Variants in DOK6 observed in about 807,000 individuals in gnomAD.
DOK6 encodes docking protein 6, also known as downstream of tyrosine kinase 6.
DOK6 carries 22 observed loss-of-function variants against 44.0 expected under a neutral mutation model. The ratio of observed to expected loss-of-function variants is 0.50; its 90% CI spans 0.36 to 0.71. The LOEUF (loss-of-function observed/expected upper bound fraction) is 0.71, where lower values mean the gene tolerates loss of function less well. Among genes scored for constraint, DOK6 ranks in the 30% least tolerant of loss-of-function variants. The probability of loss-of-function intolerance (pLI) is 0.00; values close to 1 mark genes in which losing one functional copy is unlikely to be tolerated. For synonymous variants in DOK6, 166 were observed against 145.5 expected (o/e 1.14, Z -1.01); for missense variants, 340 against 416.4 (o/e 0.82, Z 1.60).
chr18:69,677,645 A>G (rs1668301791), intron 3 of DOK6, 89 bp from the exon 4 acceptor site: 1 of 1,596,792 alleles, frequency 6.3e-7, no homozygotes. Context: ...AACTCTTGCC[A>G]GTTACCTGGG....
rs1158468795 is a variant in DOK6 at position 69,548,897 on chromosome 18, T to C, written c.67-15590T>C. On this transcript the variant is annotated intron_variant, in intron 1 of 7. Coordinates refer to ENST00000382713, the MANE Select transcript of DOK6 (RefSeq NM_152721.6). Reference sequence around the variant, plus strand: ...TCACGAGGTCAGGAGATCAAGACCATCCTGGCTAACATGGTGAAACCCCGT... The same window carrying C: ...TCACGAGGTCAGGAGATCAAGACCACCCTGGCTAACATGGTGAAACCCCGT... Among the ~76,000 whole-genome samples the C allele has an allele frequency of 2.6e-4, 39 of 151,156 alleles. 2 individuals carry two copies. Among genetic ancestry groups the C allele is most frequent in the African/African-American group, 7.7e-4 (32 of 41,428 alleles).
intron 1 of DOK6, among the ~76,000 whole-genome samples, chr18:69,496,847 T>C (rs1293631519): frequency 2.0e-5 from 3 of 152,200 alleles, no homozygotes; most frequent in Admixed American, 2.0e-4. Flanking sequence ...CTTCCAGAAC[T>C]CATTCTGTGG....
intron 5 of DOK6, among the ~76,000 whole-genome samples, chr18:69,706,083 A>G (rs1311107211): frequency 6.6e-6 from 1 of 152,224 alleles, no homozygotes; most frequent in Admixed American, 6.5e-5. Flanking sequence ...TTTGTCACAC[A>G]TGCCTCATCC....
chr18:69,702,624 T>C (rs1247457050), intron 5 of DOK6, among the ~76,000 whole-genome samples: 2 of 152,194 alleles, frequency 1.3e-5, no homozygotes, highest in African/African-American at 4.8e-5. Flanking sequence ...TTCTGTTGAA[T>C]GAAGGAATTA....
chr18:69,670,667 G>A (rs1364045869), intron 3 of DOK6, among the ~76,000 whole-genome samples: 1 of 151,968 alleles, frequency 6.6e-6, no homozygotes, highest in African/African-American at 2.4e-5. Flanking sequence ...AAGCCACCAT[G>A]CCCAGCTAAT....
In DOK6 at chr18:69,476,431, A is replaced by T. The variant is rs1288141557; in HGVS notation, c.66+75121A>T. On this transcript the variant is annotated intron_variant, in intron 1 of 7. Transcript: ENST00000382713. ...TTTTGTTTTCTCAAGAGCGGAAGAG[A>T]AATCAGAGGGATTCTTGGAAGGCAC... Among the ~76,000 whole-genome samples the T allele has an allele frequency of 1.7e-3, 258 of 152,284 alleles. 2 individuals carry two copies. Among genetic ancestry groups the T allele is most frequent in the East Asian group, 0.013 (66 of 5,178 alleles).
chr18:69,425,239 A>G (rs1260493291), intron 1 of DOK6, among the ~76,000 whole-genome samples: 2 of 151,954 alleles, frequency 1.3e-5, no homozygotes, highest in African/African-American at 4.8e-5. Flanking sequence ...GCCCACTTCC[A>G]GTTTTTTTAT....
chr18:69,826,151 C>G (rs1182119791), intron 7 of DOK6, among the ~76,000 whole-genome samples: 1 of 152,146 alleles, frequency 6.6e-6, no homozygotes, highest in African/African-American at 2.4e-5. Context: ...AATGGGATGT[C>G]TGACACTGCT....
chr18:69,565,201 A>T (rs189045309), intron 2 of DOK6, among the ~76,000 whole-genome samples: 1 of 152,314 alleles, frequency 6.6e-6, no homozygotes, highest in East Asian at 1.9e-4. Context: ...AGGATTCATG[A>T]TCAAAACTCA....
chr18:69,727,217 C>CT (rs1396417891), intron 5 of DOK6, among the ~76,000 whole-genome samples: 3 of 152,244 alleles, frequency 2.0e-5, no homozygotes, highest in Non-Finnish European at 4.4e-5. Context: ...TCATGACCTA[C>CT]TTACCTCCCA....
intron 5 of DOK6, among the ~76,000 whole-genome samples, chr18:69,732,551 G>A (rs1978446384): frequency 6.6e-6 from 1 of 151,938 alleles, no homozygotes. Flanking sequence ...GAGTGTTCAG[G>A]GAGACTCAAC....
intron 1 of DOK6, among the ~76,000 whole-genome samples, chr18:69,482,763 A>G (rs1378091022): frequency 1.3e-5 from 2 of 151,966 alleles, no homozygotes; most frequent in East Asian, 3.8e-4. Flanking sequence ...CTATAAAATA[A>G]GAAACTATAT....
intron 3 of DOK6, chr18:69,618,705 G>GTCTCTTCT (rs1235585090): frequency 1.3e-5 from 2 of 152,094 alleles, no homozygotes. Flanking sequence ...GAGTACAACA[G>GTCTCTTCT]TATGGGGGAA....
At chr18:69,427,506 TG>T (rs1324924693) in intron 1 of DOK6, among the ~76,000 whole-genome samples, 1 of 152,196 alleles carries the variant, frequency 6.6e-6, no homozygotes, top group African/African-American at 2.4e-5. Flanking sequence ...ACACTGTTAG[TG>T]GGAGTGTAAA....
chr18:69,493,290 A>C (rs193083467), intron 1 of DOK6, among the ~76,000 whole-genome samples: 3 of 152,182 alleles, frequency 2.0e-5, no homozygotes, highest in Admixed American at 6.5e-5. Context: ...CTAAGAAGTA[A>C]GGGAGGTTCA....
intron 7 of DOK6, among the ~76,000 whole-genome samples, chr18:69,830,756 C>T (rs55936748): frequency 0.012 from 1,837 of 152,224 alleles, 32 homozygotes; most frequent in African/African-American, 0.041. Context: ...ATTGACATTA[C>T]TTCTTCTCTG....
intron 1 of DOK6, among the ~76,000 whole-genome samples, chr18:69,561,542 C>T (rs1299394422): frequency 3.3e-5 from 5 of 152,048 alleles, no homozygotes; most frequent in Non-Finnish European, 4.4e-5. Flanking sequence ...ATAACTACAA[C>T]ATTATGTGTG....
At chr18:69,494,451 G>C (rs1980823973) in intron 1 of DOK6, among the ~76,000 whole-genome samples, 1 of 151,190 alleles carries the variant, frequency 6.6e-6, no homozygotes, top group African/African-American at 2.4e-5. Flanking sequence ...ACTCCAGCCT[G>C]GGTGATAGAG....
chr18:69,612,073 A>G (rs544853665), intron 3 of DOK6, among the ~76,000 whole-genome samples: 1 of 152,316 alleles, frequency 6.6e-6, no homozygotes, highest in South Asian at 2.1e-4. Context: ...CCACTGGGGG[A>G]AACTGGACAA....
Sources: gnomAD v4.1 joint callset for allele counts (sites outside exome capture counted in the v4.1 genomes callset) on GRCh38, gnomAD v4.1.1 for gene constraint, MANE v1.5 for transcripts, NCBI Gene and HGNC (gene_info 2026-07-23, HGNC 2026-07-21) for gene names.